Variants in POPDC1 observed in about 807,000 individuals in gnomAD.
The protein encoded by POPDC1 is popeye domain cAMP effector 1.
chr6:105,119,295 A>G, the POPDC1 span, among the ~76,000 whole-genome samples: 1 of 151,978 alleles, frequency 6.6e-6, no homozygotes, highest in Non-Finnish European at 1.5e-5. Flanking sequence ...ACTCATCAAT[A>G]CCATTTCATA....
the POPDC1 span, among the ~76,000 whole-genome samples, chr6:105,113,432 G>A: frequency 2.6e-5 from 4 of 152,164 alleles, no homozygotes; most frequent in Non-Finnish European, 4.4e-5. Context: ...AGCAGTCCCT[G>A]CAGAAGGGTT....
At chr6:105,112,310 T>C in the POPDC1 span, among the ~76,000 whole-genome samples, 1 of 152,222 alleles carries the variant, frequency 6.6e-6, no homozygotes, top group African/African-American at 2.4e-5. Context: ...CTGAATGCGA[T>C]GTGCACATGC....
the POPDC1 span, among the ~76,000 whole-genome samples, chr6:105,123,312 A>G: frequency 3.3e-5 from 5 of 152,216 alleles, no homozygotes; most frequent in East Asian, 1.9e-4. Flanking sequence ...TTTCCTTCCA[A>G]TAACAAGGTG....
At chr6:105,115,639 G>A in the POPDC1 span, 1 of 1,602,908 alleles carries the variant, frequency 6.2e-7, no homozygotes, top group Non-Finnish European at 8.5e-7. Flanking sequence ...TATGTCCAGA[G>A]ATACCCATCA....
chr6:105,115,410 G>A, the POPDC1 span, among the ~76,000 whole-genome samples: 4 of 152,182 alleles, frequency 2.6e-5, no homozygotes, highest in African/African-American at 9.7e-5. Flanking sequence ...AAGCCACCAT[G>A]CCCAGCCAGT....
chr6:105,113,635 C>T, the POPDC1 span, among the ~76,000 whole-genome samples: 1 of 152,066 alleles, frequency 6.6e-6, no homozygotes, highest in Non-Finnish European at 1.5e-5. Flanking sequence ...GGCTGAGCCC[C>T]AAGAGTAGGG....
At chr6:105,114,998 TGAA>T in the POPDC1 span, among the ~76,000 whole-genome samples, 1 of 152,200 alleles carries the variant, frequency 6.6e-6, no homozygotes, top group Non-Finnish European at 1.5e-5. Context: ...ACTAAAGTCA[TGAA>T]AGTAACAAAG....
chr6:105,120,812 C>A, the POPDC1 span, among the ~76,000 whole-genome samples: 5 of 152,334 alleles, frequency 3.3e-5, no homozygotes, highest in East Asian at 9.6e-4. Context: ...GACTGGCTGA[C>A]TGTCCTAAGG....
chr6:105,133,581 G>C, the POPDC1 span: 1 of 1,563,466 alleles, frequency 6.4e-7, no homozygotes, highest in Non-Finnish European at 8.7e-7. Context: ...AATTCATTTT[G>C]AAAATTCCTG....
chr6:105,111,311 G>A, the POPDC1 span, among the ~76,000 whole-genome samples: 1 of 152,286 alleles, frequency 6.6e-6, no homozygotes, highest in East Asian at 1.9e-4. Flanking sequence ...TACTAGTGAT[G>A]GAATTGCCAA....
the POPDC1 span, among the ~76,000 whole-genome samples, chr6:105,132,841 C>G: frequency 6.6e-6 from 1 of 152,154 alleles, no homozygotes; most frequent in Non-Finnish European, 1.5e-5. Flanking sequence ...CTGCCCACAG[C>G]AAATATCTTT....
At chr6:105,132,380 C>T in the POPDC1 span, among the ~76,000 whole-genome samples, 9 of 152,206 alleles carry the variant, frequency 5.9e-5, no homozygotes, top group Non-Finnish European at 1.0e-4. Flanking sequence ...ATAAATCCTG[C>T]TCATCTTCCA....
At chr6:105,135,582 T>C in the POPDC1 span, among the ~76,000 whole-genome samples, 2 of 152,130 alleles carry the variant, frequency 1.3e-5, no homozygotes, top group Non-Finnish European at 2.9e-5. Context: ...AAAGTGACAC[T>C]AAAAGTACCA....
the POPDC1 span, among the ~76,000 whole-genome samples, chr6:105,125,923 G>A: frequency 2.0e-5 from 3 of 151,900 alleles, no homozygotes; most frequent in Admixed American, 6.6e-5. Flanking sequence ...GGTCAGGTGC[G>A]GTGGTCACGC....
chr6:105,102,561 CAG>C, the POPDC1 span, among the ~76,000 whole-genome samples: 1 of 152,180 alleles, frequency 6.6e-6, no homozygotes, highest in Non-Finnish European at 1.5e-5. Flanking sequence ...GCTCAGCAAA[CAG>C]TTCCAGAGTT....
chr6:105,116,631 CA>C, the POPDC1 span: 1 of 1,289,984 alleles, frequency 7.8e-7, no homozygotes, highest in East Asian at 2.5e-5. Flanking sequence ...TTCAGGAAAA[CA>C]TATTTCATAA....
At chr6:105,098,338 T>C in the POPDC1 span, 1 of 152,230 alleles carries the variant, frequency 6.6e-6, no homozygotes. Context: ...TAGAGGTGTG[T>C]GTTTAAAAAT....
the POPDC1 span, among the ~76,000 whole-genome samples, chr6:105,123,235 ACCTT>A: frequency 6.6e-6 from 1 of 152,172 alleles, no homozygotes; most frequent in South Asian, 2.1e-4. Context: ...TCAGGATATT[ACCTT>A]ACTGCTGTTA....
At chr6:105,122,517 G>A in the POPDC1 span, among the ~76,000 whole-genome samples, 1 of 152,078 alleles carries the variant, frequency 6.6e-6, no homozygotes, top group African/African-American at 2.4e-5. Flanking sequence ...TAGTATTTCT[G>A]GCCTCTTGGG....
Sources: allele counts gnomAD v4.1 joint callset (sites outside exome capture counted in the v4.1 genomes callset), GRCh38; gene constraint gnomAD v4.1.1; transcripts MANE v1.5; gene names NCBI Gene and HGNC (gene_info 2026-07-23, HGNC 2026-07-21).